Variants in PRIM2 observed in about 807,000 individuals in gnomAD.
PRIM2 encodes DNA primase subunit 2.
Under a neutral mutation model 67.3 loss-of-function variants are expected in PRIM2, and 39 were observed. The observed-to-expected ratio is 0.58, with a 90% CI of 0.45 to 0.76. The LOEUF is 0.76. PRIM2 is among the 30% of genes least tolerant of loss of function. The pLI, the probability that PRIM2 is intolerant of heterozygous loss-of-function variation, is 0.00. For synonymous variants in PRIM2, 143 were observed against 198.7 expected, an observed-to-expected ratio of 0.72 and a Z score of 2.36; for missense variants, 398 against 598.7, an observed-to-expected ratio of 0.66 and a Z score of 3.50.
chr6:57,517,113 G>T (rs1180901038), intron 8 of PRIM2, among the ~76,000 whole-genome samples: 2 of 152,108 alleles, frequency 1.3e-5, no homozygotes, highest in African/African-American at 4.8e-5. Flanking sequence ...CCAAGATACC[G>T]CTGGAAAGTA....
chr6:57,381,302 A>G (rs1021799633), intron 6 of PRIM2, among the ~76,000 whole-genome samples: 2 of 152,220 alleles, frequency 1.3e-5, no homozygotes, highest in African/African-American at 2.4e-5. Context: ...AACTTGAATG[A>G]ATAGGCAATT....
At chr6:57,553,749 T>C (rs1234455680) in intron 10 of PRIM2, among the ~76,000 whole-genome samples, 6 of 152,234 alleles carry the variant, frequency 3.9e-5, no homozygotes, top group African/African-American at 1.4e-4. Context: ...GTGTGGTCTT[T>C]AGAGTTTCAA....
intron 10 of PRIM2, among the ~76,000 whole-genome samples, chr6:57,540,756 G>A (rs1332084673): frequency 6.6e-6 from 1 of 152,072 alleles, no homozygotes; most frequent in East Asian, 1.9e-4. Context: ...GTAAACAAAT[G>A]TAAAGATGCA....
chr6:57,521,584 A>C (rs1774625297), intron 8 of PRIM2, among the ~76,000 whole-genome samples: 1 of 151,982 alleles, frequency 6.6e-6, no homozygotes, highest in Non-Finnish European at 1.5e-5. Context: ...TTCATTTTGA[A>C]AGATGTATTA....
intron 10 of PRIM2, among the ~76,000 whole-genome samples, chr6:57,575,282 A>T (rs1406975713): frequency 6.6e-6 from 1 of 152,228 alleles, no homozygotes; most frequent in Non-Finnish European, 1.5e-5. Context: ...TAAGATAGTA[A>T]TTTCTATCAC....
intron 5 of PRIM2, among the ~76,000 whole-genome samples, chr6:57,334,923 T>TAGA (rs1768173078): frequency 6.6e-6 from 1 of 152,072 alleles, no homozygotes; most frequent in South Asian, 2.1e-4. Context: ...AGAAGATGGG[T>TAGA]GATTTCTGCA....
At chr6:57,312,680 T>C (rs759269582), upstream of PRIM2, among the ~76,000 whole-genome samples, 1 of 152,250 alleles carries the variant, frequency 6.6e-6, no homozygotes, top group Non-Finnish European at 1.5e-5. Flanking sequence ...TGGCATTAAC[T>C]ACGTTCACAT....
chr6:57,516,442 T>C (rs1774489344), intron 8 of PRIM2, among the ~76,000 whole-genome samples: 1 of 152,218 alleles, frequency 6.6e-6, no homozygotes. Flanking sequence ...TCCTGGAGTT[T>C]TGTAGTTAAT....
chr6:57,353,139 CAA>C (rs57281233), intron 5 of PRIM2, among the ~76,000 whole-genome samples: 12 of 58,580 alleles, frequency 2.0e-4, no homozygotes, highest in Non-Finnish European at 2.5e-4. Context: ...GGTGAAATCC[CAA>C]AAAAAAAAAA....
At chr6:57,514,598 G>A (rs1231673938) in intron 8 of PRIM2, among the ~76,000 whole-genome samples, 2 of 152,092 alleles carry the variant, frequency 1.3e-5, no homozygotes, top group Non-Finnish European at 2.9e-5. Flanking sequence ...CAGGTGCTGT[G>A]TAAGATATTA....
At chr6:57,499,978 G>T (rs1363978921) in intron 7 of PRIM2, among the ~76,000 whole-genome samples, 1 of 151,974 alleles carries the variant, frequency 6.6e-6, no homozygotes, top group Non-Finnish European at 1.5e-5. Flanking sequence ...CTCTTAGTTA[G>T]TTGAAAGCAC....
At position 57,325,891 on chromosome 6, in the gene PRIM2, T is replaced by C. The variant is rs759270384; in HGVS notation, c.339-34T>C. 1.0e-5 allele frequency: 16 copies of C among 1,532,892 alleles called. No homozygotes were observed. In the Admixed American group the frequency reaches 1.8e-4, roughly 18 times the overall value. 95.0% of individuals were successfully genotyped at this position (1,532,892 alleles called of 1,614,324 possible). The stretch of plus-strand genomic sequence containing the variant: ...TTAGATTTAATAATTACTGGATTTT[T>C]AGTTTGTACTCATAATTTCTGTCTT... On this transcript the variant is annotated intron_variant, in intron 4 of 13. Coordinates refer to ENST00000615550, the MANE Select transcript of PRIM2 (RefSeq NM_000947.5).
At chr6:57,234,980 C>A in the PRIM2 span, among the ~76,000 whole-genome samples, 1 of 152,124 alleles carries the variant, frequency 6.6e-6, no homozygotes, top group Admixed American at 6.6e-5. Flanking sequence ...TGAGACCAGC[C>A]TGGGCAACAT....
At chr6:57,466,538 A>C (rs1773198656) in intron 7 of PRIM2, among the ~76,000 whole-genome samples, 1 of 152,122 alleles carries the variant, frequency 6.6e-6, no homozygotes, top group Non-Finnish European at 1.5e-5. Flanking sequence ...ATGGTATCCC[A>C]TTGTGGTTTT....
At chr6:57,514,621 A>G in intron 8 of PRIM2, among the ~76,000 whole-genome samples, 1 of 152,234 alleles carries the variant, frequency 6.6e-6, no homozygotes, top group Non-Finnish European at 1.5e-5. Flanking sequence ...AAATTAGAAT[A>G]TATTGTTTTC....
chr6:57,375,493 A>G (rs572077554), intron 5 of PRIM2, among the ~76,000 whole-genome samples: 9 of 152,154 alleles, frequency 5.9e-5, no homozygotes, highest in Admixed American at 2.6e-4. Context: ...GGATTTTTGC[A>G]TCAGTGTTCA....
intron 5 of PRIM2, among the ~76,000 whole-genome samples, chr6:57,375,941 T>G (rs1448977572): frequency 6.6e-6 from 1 of 151,996 alleles, no homozygotes; most frequent in African/African-American, 2.4e-5. Flanking sequence ...GCATGGTGGC[T>G]CACATCTGTA....
chr6:57,241,164 C>T, the PRIM2 span, among the ~76,000 whole-genome samples: 26 of 147,992 alleles, frequency 1.8e-4, no homozygotes, highest in Admixed American at 3.4e-4. Flanking sequence ...GCGGAGCTTG[C>T]AGTGAGCCGA....
At chr6:57,317,000 T>C (rs927084375), upstream of PRIM2, among the ~76,000 whole-genome samples, 35 of 152,354 alleles carry the variant, frequency 2.3e-4, no homozygotes, top group Non-Finnish European at 4.0e-4. Flanking sequence ...GGGAGCGAAT[T>C]GAACGTGGAA....
Sources: allele counts gnomAD v4.1 joint callset (sites outside exome capture counted in the v4.1 genomes callset), GRCh38; gene constraint gnomAD v4.1.1; transcripts MANE v1.5; gene names NCBI Gene and HGNC (gene_info 2026-07-23, HGNC 2026-07-21).